The following PTPRR variants were observed in gnomAD, a reference collection of about 807,000 sequenced individuals.
The protein encoded by PTPRR is receptor-type tyrosine-protein phosphatase R.
A neutral mutation model predicts 77.2 loss-of-function variants in PTPRR; 38 were observed. The ratio of observed to expected loss-of-function variants is 0.49; its 90% confidence interval spans 0.38 to 0.65. The LOEUF (loss-of-function observed/expected upper bound fraction) is 0.65. PTPRR is among the 30% of genes least tolerant of loss of function. The pLI is 0.00. For synonymous variants in PTPRR, 299 were observed against 283.1 expected, an observed-to-expected ratio of 1.06 and a Z score of -0.57; for missense variants, 744 against 799.2, an observed-to-expected ratio of 0.93 and a Z score of 0.83.
At chr12:70,916,367 T>A (rs939341893) in intron 1 of PTPRR, among the ~76,000 whole-genome samples, 4 of 152,064 alleles carry the variant, frequency 2.6e-5, no homozygotes, top group Non-Finnish European at 5.9e-5. Flanking sequence ...AGAGATAATA[T>A]CATAGAAATA....
intron 2 of PTPRR, among the ~76,000 whole-genome samples, chr12:70,883,382 G>A (rs1360479362): frequency 1.3e-5 from 2 of 152,176 alleles, no homozygotes; most frequent in Admixed American, 1.3e-4. Flanking sequence ...TACTTCCAAT[G>A]TTTTCCCCAG....
intron 6 of PTPRR, among the ~76,000 whole-genome samples, chr12:70,712,703 A>T (rs920703806): frequency 2.0e-5 from 3 of 151,976 alleles, no homozygotes; most frequent in Non-Finnish European, 4.4e-5. Flanking sequence ...TATGCTTGCT[A>T]TAAGAAATAT....
intron 6 of PTPRR, among the ~76,000 whole-genome samples, chr12:70,728,529 AT>A (rs1177573664): frequency 4.2e-3 from 18 of 4,284 alleles, no homozygotes; most frequent in Admixed American, 0.015. Context: ...CAAAATCTGA[AT>A]ATATATATAT....
At position 70,900,009 on chromosome 12, in the gene PTPRR, G is replaced by A. The variant is rs376797916; in HGVS notation, c.59-7032C>T. 4.0e-5 allele frequency among the ~76,000 whole-genome samples: 6 copies of A among 151,520 alleles called. No individual in the cohort carries two copies. The South Asian group carries it at 1.2e-3, about 31-fold the overall frequency. ...ATATATATACTGAAAACTATAAAAT[G>A]TTGAACAAAGAAATCAGAGACGACC... On this transcript the variant is annotated intron_variant, in intron 1 of 13. Coordinates refer to ENST00000283228, the MANE Select transcript of PTPRR (RefSeq NM_002849.4).
chr12:70,701,535 T>C lies in PTPRR; in HGVS notation c.1008-212A>G, dbSNP rs371047122. Among the ~76,000 whole-genome samples, 283 of 152,232 alleles carry C rather than the reference T, an allele frequency of 1.9e-3. 2 individuals carry two copies. The highest frequency in any genetic ancestry group is 3.1e-3 in the Non-Finnish European group (209 of 68,004). On this transcript the variant is annotated intron_variant, in intron 6 of 13. Coordinates refer to ENST00000283228, the MANE Select transcript of PTPRR (RefSeq NM_002849.4). ...TTTTGTTGTTGGAAAGAACTCTAAA[T>C]TGAGAAAATATGCTATAATTTATGA...
chr12:70,909,491 T>A (rs1265585304), intron 1 of PTPRR, among the ~76,000 whole-genome samples: 1 of 152,158 alleles, frequency 6.6e-6, no homozygotes, highest in Non-Finnish European at 1.5e-5. Flanking sequence ...AAGCATTTCA[T>A]CAAACTTTAC....
intron 2 of PTPRR, among the ~76,000 whole-genome samples, chr12:70,792,718 G>A (rs1460418803): frequency 1.3e-5 from 2 of 151,972 alleles, no homozygotes; most frequent in Non-Finnish European, 2.9e-5. Context: ...AAATCTTCAT[G>A]GAAAATGCAT....
At chr12:70,813,467 A>G (rs763231302) in intron 2 of PTPRR, among the ~76,000 whole-genome samples, 7 of 152,216 alleles carry the variant, frequency 4.6e-5, no homozygotes, top group Non-Finnish European at 1.0e-4. Context: ...TTTGAACTCA[A>G]CAATTTTCTA....
At chr12:70,673,170 C>T (rs1249922081) in intron 10 of PTPRR, among the ~76,000 whole-genome samples, 1 of 152,018 alleles carries the variant, frequency 6.6e-6, no homozygotes, top group East Asian at 1.9e-4. Context: ...TTAATAATTG[C>T]TCACATCATC....
At chr12:70,888,741 G>T (rs536326295) in intron 2 of PTPRR, among the ~76,000 whole-genome samples, 46 of 151,960 alleles carry the variant, frequency 3.0e-4, no homozygotes, top group African/African-American at 1.1e-3. Flanking sequence ...CTTTGAGTTT[G>T]CCCACCAAGA....
chr12:70,862,295 C>G (rs932243330), intron 2 of PTPRR, among the ~76,000 whole-genome samples: 11 of 151,864 alleles, frequency 7.2e-5, no homozygotes, highest in African/African-American at 1.5e-4. Context: ...ATAAGGGTAC[C>G]TTTTCTACAG....
At chr12:70,859,024 A>T (rs1239310834) in intron 2 of PTPRR, among the ~76,000 whole-genome samples, 1 of 151,898 alleles carries the variant, frequency 6.6e-6, no homozygotes, top group Non-Finnish European at 1.5e-5. Flanking sequence ...ATGGCACCAA[A>T]GGCTTGAGCA....
intron 2 of PTPRR, among the ~76,000 whole-genome samples, chr12:70,850,207 C>T (rs750328489): frequency 1.3e-5 from 2 of 151,836 alleles, no homozygotes; most frequent in Non-Finnish European, 1.5e-5. Context: ...ACTAAAAATG[C>T]AAAAATTAGC....
At chr12:70,831,327 C>T (rs1382806551) in intron 2 of PTPRR, among the ~76,000 whole-genome samples, 1 of 152,128 alleles carries the variant, frequency 6.6e-6, no homozygotes, top group Non-Finnish European at 1.5e-5. Context: ...TCAGAAGGTA[C>T]TACTTCACTA....
rs1270303434 is a variant in PTPRR at position 70,698,335 on chromosome 12, G to T, written c.1209C>A (p.Asn403Lys). 8.7e-6 allele frequency: 14 copies of T among 1,612,676 alleles called. No individual in the cohort carries two copies. The highest frequency in any genetic ancestry group is 1.2e-5 in the Non-Finnish European group (14 of 1,179,088). ...LQSEFMEIPM[N>K]FVDPKEIDIP... is the part of the protein sequence containing the mutation. ...TATCAATTTCTTTGGGATCCACAAA[G>T]TTCATTGGTATTTCCTGCAAAAATA... The change falls in exon 8 of 14, where the codon AAC (asparagine) becomes AAA (lysine). Residue 403 changes from asparagine to lysine, a missense_variant. By Grantham distance (94) the Asn-to-Lys change is moderately conservative. Transcript: ENST00000283228.
chr12:70,740,552 T>C (rs1051028925), intron 6 of PTPRR, among the ~76,000 whole-genome samples: 5 of 152,158 alleles, frequency 3.3e-5, no homozygotes, highest in Non-Finnish European at 5.9e-5. Flanking sequence ...TGTTCTTCTT[T>C]TTATAAGATT....
rs148116066 is a variant in PTPRR, at chr12:70,811,037, C to T, written c.358-46259G>A. 1.4e-3 allele frequency among the ~76,000 whole-genome samples: 217 copies of T among 152,006 alleles called. 3 individuals are homozygous for T. The highest frequency in any genetic ancestry group is 3.4e-3 in the Middle Eastern group (1 of 294). On this transcript the variant is annotated intron_variant, in intron 2 of 13. Coordinates refer to ENST00000283228, the MANE Select transcript of PTPRR (RefSeq NM_002849.4). The stretch of plus-strand genomic sequence containing the variant: ...GCCCTTAGGTATCTTTGTGATTTCT[C>T]GGAGACAGTGAGGACCGTAGGATGT...
At chr12:70,830,404 A>G (rs2470379) in intron 2 of PTPRR, among the ~76,000 whole-genome samples, 9,584 of 152,228 alleles carry the variant, frequency 0.063, 994 homozygotes, top group African/African-American at 0.22. Context: ...ATAAATACTT[A>G]AAATAAATAC....
In PTPRR at chr12:70,745,960, T is replaced by C. The variant is rs1890201585; in HGVS notation, c.865A>G (p.Met289Val). 1.2e-6 allele frequency: 2 copies of C among 1,614,012 alleles called. No homozygotes were observed. The highest frequency in any genetic ancestry group is 3.3e-5 in the Admixed American group (2 of 60,002). The change falls in exon 6 of 14, where the codon ATG (methionine) becomes GTG (valine). Residue 289 changes from methionine to valine, a missense_variant. This residue lies in a region of PTPRR where 570 missense variants were observed against 573.2 expected (regional missense o/e 0.99). Coordinates refer to ENST00000283228, the MANE Select transcript of PTPRR (RefSeq NM_002849.4). ...ALSEAKTVHS[M>V]VQPEQAPKVL... Reference sequence around the variant, plus strand: ...TTTGGGGCCTGCTCAGGTTGGACCATGCTGTGGACTGTCTTTGCCTCGGAC... The same window carrying C: ...TTTGGGGCCTGCTCAGGTTGGACCACGCTGTGGACTGTCTTTGCCTCGGAC...
Sources: gnomAD v4.1 joint callset for allele counts (sites outside exome capture counted in the v4.1 genomes callset) on GRCh38, gnomAD v4.1.1 for gene constraint, gnomAD v4.1.1 regional missense constraint, MANE v1.5 for transcripts, NCBI Gene and HGNC (gene_info 2026-07-23, HGNC 2026-07-21) for gene names.